The following PPP1R11 variants were observed in gnomAD, a reference collection of about 807,000 sequenced individuals.
PPP1R11 encodes E3 ubiquitin-protein ligase PPP1R11.
In PPP1R11, 10 loss-of-function variants were observed where a neutral mutation model predicts 11.3. That is an observed-to-expected ratio of 0.88 (90% CI 0.55 to 1.50). The LOEUF (loss-of-function observed/expected upper bound fraction) is 1.50. Ranked by LOEUF, PPP1R11 falls within the 40% of genes most tolerant of loss-of-function variation. PPP1R11 has a pLI of 0.00. For synonymous variants in PPP1R11, 56 were observed against 62.3 expected, an observed-to-expected ratio of 0.90 and a Z score of 0.48; for missense variants, 114 against 179.1, an observed-to-expected ratio of 0.64 and a Z score of 2.07.
At chr6:30,061,973 A>G (rs1324615772), upstream of PPP1R11, 1 of 1,613,120 alleles carries the variant, frequency 6.2e-7, no homozygotes, top group Non-Finnish European at 8.5e-7. The surrounding 1 kb of genome is among the most constrained non-coding windows in gnomAD (Gnocchi z 5.0). Context: ...GGGGACAGCC[A>G]TGCCTATGTC....
upstream of PPP1R11, chr6:30,064,793 G>A (rs980534327): frequency 4.5e-6 from 5 of 1,123,440 alleles, no homozygotes; most frequent in African/African-American, 3.2e-5. Context: ...TGGTTGCAAT[G>A]TTTTGCTCCC....
chr6:30,061,945 G>A, upstream of PPP1R11: 1 of 1,613,104 alleles, frequency 6.2e-7, no homozygotes, highest in Non-Finnish European at 8.5e-7. The surrounding 1 kb of genome is among the most constrained non-coding windows in gnomAD (Gnocchi z 5.0). Flanking sequence ...TGAAGACTTC[G>A]GTTGTGTTCC....
upstream of PPP1R11, chr6:30,064,707 T>C (rs758128218): frequency 6.2e-7 from 1 of 1,608,830 alleles, no homozygotes; most frequent in Non-Finnish European, 8.5e-7. Flanking sequence ...ACCTTTTTCC[T>C]GGGCAACTCT....
Position 30,069,016 on chromosome 6 carries a change from G to C in PPP1R11, c.179-88G>C. 1.5e-6 allele frequency: 2 copies of C among 1,342,836 alleles called. No individual in the cohort carries two copies. Among genetic ancestry groups the C allele is most frequent in the Non-Finnish European group, 2.1e-6 (2 of 956,936 alleles). 83.2% of individuals were successfully genotyped at this position (1,342,836 alleles called of 1,614,324 possible). A position where few individuals can be genotyped will look rare whatever the true frequency, so the allele number is the denominator to read the frequency against. On this transcript the variant is annotated intron_variant, in intron 2 of 2. Coordinates refer to ENST00000376772, the MANE Select transcript of PPP1R11 (RefSeq NM_021959.3). This position sits in a 1 kb window ranked among gnomAD's most constrained non-coding sequence, Gnocchi z 6.6. ...GATCCTGGAAGGTAGGAGAAAATAG[G>C]AATTTTCACTGAGTTTGAGTGGGAA...
At chr6:30,066,432 T>A (rs1010112255), upstream of PPP1R11, among the ~76,000 whole-genome samples, 1 of 152,344 alleles carries the variant, frequency 6.6e-6, no homozygotes, top group South Asian at 2.1e-4. Flanking sequence ...TAGCCTATAC[T>A]GTAATTTACG....
intron 1 of PPP1R11, chr6:30,067,705 A>G: frequency 1.9e-6 from 1 of 526,140 alleles, no homozygotes. Context: ...CAGTTAGGAT[A>G]TAGGTGTTGC....
At chr6:30,068,793 A>G (rs9261287) in intron 2 of PPP1R11, 95 bp downstream of exon 2, 53,516 of 1,102,162 alleles carry the variant, frequency 0.049, 1,667 homozygotes, top group East Asian at 0.073. Context: ...AGAAGCCCCC[A>G]GATGTTCATA....
At chr6:30,065,929 C>T (rs1361134290), upstream of PPP1R11, among the ~76,000 whole-genome samples, 3 of 152,062 alleles carry the variant, frequency 2.0e-5, no homozygotes, top group East Asian at 1.9e-4. The surrounding 1 kb of genome is among the most constrained non-coding windows in gnomAD (Gnocchi z 5.3). Context: ...CATTCCTTGG[C>T]TCAAATAGTG....
upstream of PPP1R11, chr6:30,061,905 T>A: frequency 6.2e-7 from 1 of 1,612,814 alleles, no homozygotes; most frequent in Non-Finnish European, 8.5e-7. The surrounding 1 kb of genome is among the most constrained non-coding windows in gnomAD (Gnocchi z 5.0). Flanking sequence ...CAGTTCTTAC[T>A]TGCCTGTGCA....
Position 30,067,471 on chromosome 6 carries a change from A to G in PPP1R11, c.61A>G (p.Thr21Ala). Residue 21 changes from threonine (T) to alanine (A), a missense_variant, in exon 1 of 3, where the codon ACC (threonine) becomes GCC (alanine). Physicochemically the swap from Thr to Ala is moderately conservative, Grantham distance 58. Transcript: ENST00000376772. ...CACTGAGACAACGGTTACCGTGACA[A>G]CCGAGCCCGTGAGAAAGGCGGGGGG... Reference protein sequence around the residue: ...TVTETTVTVTTEPENRSLTIK... With the variant: ...TVTETTVTVTAEPENRSLTIK... 2 of 1,614,012 alleles carry G rather than the reference A, an allele frequency of 1.2e-6. No individual in the cohort carries two copies. Among genetic ancestry groups the G allele is most frequent in the Non-Finnish European group, 1.7e-6 (2 of 1,179,922 alleles).
chr6:30,064,696 G>A (rs564447278), upstream of PPP1R11: 1 of 1,608,708 alleles, frequency 6.2e-7, no homozygotes, highest in South Asian at 1.1e-5. Context: ...GAAGACTCTT[G>A]ACCTTTTTCC....
At chr6:30,061,636 T>G in the PPP1R11 span, 1 of 1,613,066 alleles carries the variant, frequency 6.2e-7, no homozygotes. The surrounding 1 kb of genome is among the most constrained non-coding windows in gnomAD (Gnocchi z 5.0). Context: ...TACGGTCACC[T>G]GTATTCGCTG....
upstream of PPP1R11, among the ~76,000 whole-genome samples, chr6:30,066,422 T>C (rs1273699087): frequency 6.6e-6 from 1 of 152,232 alleles, no homozygotes; most frequent in African/African-American, 2.4e-5. Flanking sequence ...TTTTATAAAA[T>C]AGCCTATACT....
chr6:30,064,053 C>G (rs942947699), upstream of PPP1R11, among the ~76,000 whole-genome samples: 1 of 152,122 alleles, frequency 6.6e-6, no homozygotes, highest in African/African-American at 2.4e-5. Context: ...CATTTTGTCC[C>G]TCATTTCCTA....
chr6:30,067,620 C>T (rs898799506), intron 1 of PPP1R11, 141 bp downstream of exon 1: 6 of 1,085,632 alleles, frequency 5.5e-6, no homozygotes, highest in Non-Finnish European at 5.4e-6. Flanking sequence ...CTGGGAGAAT[C>T]GGAAGGTATT....
In PPP1R11 at chr6:30,069,118, G is replaced by A; in HGVS notation, c.193G>A (p.Glu65Lys). 4 of 1,609,422 alleles carry A rather than the reference G, an allele frequency of 2.5e-6. No homozygotes were observed. The highest frequency in any genetic ancestry group is 3.4e-6 in the Non-Finnish European group (4 of 1,177,030). The change falls in exon 3 of 3, where the codon GAG becomes AAG. Residue 65 changes from glutamate (E) to lysine (K), a missense_variant. Physicochemically the swap from Glu to Lys is moderately conservative, Grantham distance 56. Transcript: ENST00000376772. The surrounding 1 kb of genome is among the most constrained non-coding windows in gnomAD (Gnocchi z 6.6). ...RRSSKCCCIY[E>K]KPRAFGESST... The stretch of plus-strand genomic sequence containing the variant: ...TCTAAATCTAGGCTGCTGTATTTAT[G>A]AGAAACCTCGGGCCTTTGGCGAGAG...
upstream of PPP1R11, among the ~76,000 whole-genome samples, chr6:30,062,714 C>CCTTTTTTTTTTTTTTTTTTTTTTT (rs749507630): frequency 3.1e-4 from 13 of 42,388 alleles, 2 homozygotes; most frequent in East Asian, 9.5e-4. Context: ...CCACGCCTGG[C>CCTTTTTTTTTTTTTTTTTTTTTTT]TTTTTTTTTT....
intron 1 of PPP1R11, chr6:30,067,789 G>A (rs879619705): frequency 1.3e-5 from 5 of 382,736 alleles, no homozygotes; most frequent in Non-Finnish European, 2.3e-5. Context: ...AAGATGTTGG[G>A]AGGAAATCAA....
At position 30,069,567 on chromosome 6, in the gene PPP1R11, T is replaced by C. The variant is rs1765777796; in HGVS notation, c.*261T>C. The C allele has an allele frequency of 2.4e-6, 1 of 410,746 alleles. No homozygotes were observed. The highest frequency in any genetic ancestry group is 4.3e-6 in the Non-Finnish European group (1 of 233,058). The allele number at this position is 410,746 out of a possible 1,614,324, so 25.4% of individuals were successfully genotyped here. On this transcript the variant is annotated 3_prime_UTR_variant, in exon 3 of 3. Coordinates refer to ENST00000376772, the MANE Select transcript of PPP1R11 (RefSeq NM_021959.3). This position sits in a 1 kb window ranked among gnomAD's most constrained non-coding sequence, Gnocchi z 6.6. ...CTTGGTCCCAGTGTCTTCCTTTTGT[T>C]CTCACTGCCAAACTGCCTGTCCTGG... is the stretch of plus-strand genomic sequence containing the variant.
Sources: gnomAD v4.1 joint callset for allele counts (sites outside exome capture counted in the v4.1 genomes callset) on GRCh38, gnomAD v4.1.1 for gene constraint, Gnocchi (gnomAD v3.1) non-coding constraint, MANE v1.5 for transcripts, NCBI Gene and HGNC (gene_info 2026-07-23, HGNC 2026-07-21) for gene names.